The following SLC8A1 variants were observed in gnomAD, a reference collection of about 807,000 sequenced individuals.
The protein encoded by SLC8A1 is sodium/calcium exchanger 1.
In SLC8A1, 18 loss-of-function variants were observed where a neutral mutation model predicts 68.3. The ratio of observed to expected loss-of-function variants is 0.26; its 90% CI spans 0.18 to 0.39. The LOEUF is 0.39. Ranked by LOEUF, SLC8A1 falls within the 10% of genes least tolerant of loss-of-function variation. SLC8A1 has a pLI of 1.00. For missense variants in SLC8A1, 985 were observed against 1,156.7 expected, an observed-to-expected ratio of 0.85 and a Z score of 2.15; for synonymous variants, 475 against 415.5, an observed-to-expected ratio of 1.14 and a Z score of -1.74.
intron 2 of SLC8A1, among the ~76,000 whole-genome samples, chr2:40,316,880 A>G (rs2074525689): frequency 6.6e-6 from 1 of 151,988 alleles, no homozygotes; most frequent in Admixed American, 6.6e-5. Context: ...ACCTCAGGGC[A>G]TTCATCATCC....
intron 7 of SLC8A1, among the ~76,000 whole-genome samples, chr2:40,119,254 CT>C (rs1336156952): frequency 2.6e-5 from 4 of 151,946 alleles, no homozygotes; most frequent in Non-Finnish European, 5.9e-5. Context: ...TTTTTGGCTA[CT>C]TTGTGTCTCA....
At chr2:40,167,809 G>C (rs1284569073) in intron 4 of SLC8A1, among the ~76,000 whole-genome samples, 1 of 152,152 alleles carries the variant, frequency 6.6e-6, no homozygotes, top group Non-Finnish European at 1.5e-5. Flanking sequence ...AATATTCGTT[G>C]TGTGTATAGA....
intron 1 of SLC8A1, among the ~76,000 whole-genome samples, chr2:40,436,762 G>A (rs34038561): frequency 0.049 from 7,454 of 151,986 alleles, 354 homozygotes; most frequent in East Asian, 0.25. Flanking sequence ...ATGCTAACAC[G>A]GAAATATGGG....
intron 2 of SLC8A1, chr2:40,223,775 A>C (rs2058642373): frequency 6.6e-6 from 1 of 152,142 alleles, no homozygotes; most frequent in African/African-American, 2.4e-5. Context: ...ATAAATGACA[A>C]ATATCTGATT....
At chr2:40,241,125 A>G (rs531031448) in intron 2 of SLC8A1, among the ~76,000 whole-genome samples, 5 of 152,312 alleles carry the variant, frequency 3.3e-5, no homozygotes, top group Non-Finnish European at 5.9e-5. Flanking sequence ...TGGATTGGAT[A>G]AAGCTAATAC....
At chr2:40,460,579 T>A (rs1703282217) in intron 1 of SLC8A1, among the ~76,000 whole-genome samples, 1 of 116,722 alleles carries the variant, frequency 8.6e-6, no homozygotes, top group Non-Finnish European at 1.8e-5. Context: ...AAGTATTTTT[T>A]AATTTTTTTT....
chr2:40,380,743 G>A (rs1182795965), intron 2 of SLC8A1, among the ~76,000 whole-genome samples: 1 of 152,058 alleles, frequency 6.6e-6, no homozygotes, highest in Non-Finnish European at 1.5e-5. Flanking sequence ...GGTCCACACT[G>A]GATCTGAGGG....
chr2:40,346,616 T>C (rs1199727929), intron 2 of SLC8A1, among the ~76,000 whole-genome samples: 1 of 152,056 alleles, frequency 6.6e-6, no homozygotes, highest in Non-Finnish European at 1.5e-5. Context: ...AATTTACAAG[T>C]CTGGCCTTTC....
intron 2 of SLC8A1, among the ~76,000 whole-genome samples, chr2:40,329,996 G>C (rs1486298189): frequency 6.6e-6 from 1 of 152,198 alleles, no homozygotes; most frequent in Non-Finnish European, 1.5e-5. Flanking sequence ...TAAAGAGCAG[G>C]AGCTGAAACT....
At chr2:40,226,322 T>G (rs977225268) in intron 2 of SLC8A1, among the ~76,000 whole-genome samples, 53 of 152,190 alleles carry the variant, frequency 3.5e-4, no homozygotes, top group African/African-American at 1.3e-3. Context: ...GAGGTTTGGA[T>G]GCATTGCATG....
intron 2 of SLC8A1, among the ~76,000 whole-genome samples, chr2:40,307,415 C>T (rs1347474808): frequency 6.6e-6 from 1 of 152,036 alleles, no homozygotes; most frequent in African/African-American, 2.4e-5. Flanking sequence ...TTAATGGGTA[C>T]AGTGTTTTAA....
chr2:40,477,598 T>C (rs1188832783), intron 1 of SLC8A1, among the ~76,000 whole-genome samples: 1 of 152,250 alleles, frequency 6.6e-6, no homozygotes, highest in Admixed American at 6.5e-5. Flanking sequence ...TTCCTTCCTC[T>C]GGCTGAAGAT....
intron 6 of SLC8A1, among the ~76,000 whole-genome samples, chr2:40,157,208 T>G (rs548412187): frequency 6.6e-6 from 1 of 152,334 alleles, no homozygotes; most frequent in East Asian, 1.9e-4. Flanking sequence ...CAACCAACTT[T>G]GGCGTTTCCA....
chr2:40,146,044 T>G (rs1441705481), intron 6 of SLC8A1, among the ~76,000 whole-genome samples: 1 of 152,214 alleles, frequency 6.6e-6, no homozygotes, highest in Non-Finnish European at 1.5e-5. Flanking sequence ...TAACATATTC[T>G]CTGATGCAAA....
chr2:40,143,025 A>T lies in SLC8A1; in HGVS notation c.2162-3349T>A, dbSNP rs551287140. On this transcript the variant is annotated intron_variant, in intron 6 of 7. Coordinates refer to ENST00000406785, the Ensembl canonical transcript of SLC8A1. ...TCTGTAGGCTTCCAATATCACAAAG[A>T]ATCTTAAATGTTTTAATGCATAAGT... is the stretch of plus-strand genomic sequence containing the variant. 2.6e-5 allele frequency among the ~76,000 whole-genome samples: 4 copies of T among 152,126 alleles called. No homozygotes were observed. In the South Asian group the frequency reaches 8.3e-4, roughly 32 times the overall value.
chr2:40,371,604 T>G (rs531074403), intron 2 of SLC8A1, among the ~76,000 whole-genome samples: 12 of 152,138 alleles, frequency 7.9e-5, no homozygotes, highest in African/African-American at 2.9e-4. Flanking sequence ...AACTTGCACA[T>G]AGTGAATGCT....
At chr2:40,477,234 T>A (rs1704344630) in intron 1 of SLC8A1, among the ~76,000 whole-genome samples, 1 of 139,030 alleles carries the variant, frequency 7.2e-6, no homozygotes, top group Non-Finnish European at 1.5e-5. Context: ...TACCATGGTA[T>A]CTGATATCTG....
chr2:40,283,945 A>G (rs1342303899), intron 2 of SLC8A1, among the ~76,000 whole-genome samples: 1 of 152,148 alleles, frequency 6.6e-6, no homozygotes, highest in Non-Finnish European at 1.5e-5. Context: ...GCAAAGCTGT[A>G]TTTTGGCAGA....
intron 1 of SLC8A1, among the ~76,000 whole-genome samples, chr2:40,497,605 G>A (rs572569387): frequency 6.6e-6 from 1 of 151,824 alleles, no homozygotes; most frequent in Admixed American, 6.6e-5. Flanking sequence ...CAAGAAAGAA[G>A]GTATTAAATA....
Sources: allele counts gnomAD v4.1 joint callset (sites outside exome capture counted in the v4.1 genomes callset), GRCh38; gene constraint gnomAD v4.1.1; transcripts MANE v1.5; gene names NCBI Gene and HGNC (gene_info 2026-07-23, HGNC 2026-07-21).